Variants in CAMTA1 observed in about 807,000 individuals in gnomAD.
CAMTA1 encodes the protein calmodulin-binding transcription activator 1.
Under a neutral mutation model 170.9 loss-of-function variants are expected in CAMTA1, and 27 were observed. The observed-to-expected ratio is 0.16, with a 90% CI of 0.12 to 0.22. The LOEUF (loss-of-function observed/expected upper bound fraction) is 0.22. Among genes scored for constraint, CAMTA1 ranks in the 10% least tolerant of loss-of-function variants. The pLI, the probability that CAMTA1 is intolerant of heterozygous loss-of-function variation, is 1.00. For synonymous variants in CAMTA1, 833 were observed against 891.5 expected, an observed-to-expected ratio of 0.93 and a Z score of 1.17; for missense variants, 1,619 against 2,217.2, an observed-to-expected ratio of 0.73 and a Z score of 5.42.
intron 11 of CAMTA1, among the ~76,000 whole-genome samples, chr1:7,686,043 T>A (rs1364354703): frequency 1.3e-5 from 2 of 152,152 alleles, no homozygotes; most frequent in Admixed American, 1.3e-4. Flanking sequence ...CAGCCCAAAC[T>A]AATCAATTGT....
intron 11 of CAMTA1, among the ~76,000 whole-genome samples, chr1:7,713,083 A>C (rs144995965): frequency 2.6e-5 from 4 of 152,288 alleles, no homozygotes; most frequent in Non-Finnish European, 5.9e-5. Context: ...TGGATTAAAG[A>C]AGTGATTCTG....
At chr1:7,292,750 T>G (rs892420167) in intron 5 of CAMTA1, among the ~76,000 whole-genome samples, 1 of 152,236 alleles carries the variant, frequency 6.6e-6, no homozygotes, top group Non-Finnish European at 1.5e-5. Context: ...TGCACTCCTC[T>G]GCACCCACGG....
intron 6 of CAMTA1, among the ~76,000 whole-genome samples, chr1:7,492,945 ATAAACACAGACTTACATACACATGCGCT>A (rs2093744653): frequency 9.6e-6 from 1 of 104,076 alleles, no homozygotes; most frequent in African/African-American, 3.6e-5. Flanking sequence ...GCACGCACAC[ATAAACACAGACTTACATACACATGCGCT>A]CAAACACAAA....
intron 3 of CAMTA1, among the ~76,000 whole-genome samples, chr1:7,084,758 T>A (rs894968366): frequency 6.6e-6 from 1 of 152,150 alleles, no homozygotes; most frequent in Non-Finnish European, 1.5e-5. Context: ...ACGGCGGCCA[T>A]GTGTGGCATC....
At chr1:6,880,383 G>GTTTTTTTTTTTTTTTTTTTTTTTTTTTTT in intron 3 of CAMTA1, among the ~76,000 whole-genome samples, 1 of 67,194 alleles carries the variant, frequency 1.5e-5, no homozygotes, top group Non-Finnish European at 2.7e-5. Flanking sequence ...CTCTAAAAGT[G>GTTTTTTTTTTTTTTTTTTTTTTTTTTTTT]TTTTTTTTTT....
chr1:7,026,819 C>T (rs1354182487), intron 3 of CAMTA1, among the ~76,000 whole-genome samples: 3 of 151,942 alleles, frequency 2.0e-5, no homozygotes, highest in East Asian at 3.9e-4. Flanking sequence ...TTAGTAGAGA[C>T]GGGATTTCAT....
Position 7,249,596 on chromosome 1 carries a change from C to T in CAMTA1, c.408C>T (p.Asp136=), listed in dbSNP as rs1257105601. The change falls in exon 5 of 23, where the codon GAC becomes GAT. Residue 136 remains aspartate, a synonymous_variant. Transcript: ENST00000303635. This position sits in a 1 kb window ranked among gnomAD's most constrained non-coding sequence, Gnocchi z 4.4. ...KRKDGKTTRE[D]HMKLKVQGVE... is the part of the protein sequence containing the mutation. ...AAGATGGGAAAACGACCAGAGAGGA[C>T]CACATGAAACTCAAGGTCCAGGGAG... The T allele has an allele frequency of 6.2e-7, 1 of 1,614,046 alleles. No homozygotes were observed. The highest frequency in any genetic ancestry group is 1.1e-5 in the South Asian group (1 of 91,060).
chr1:6,880,383 G>GTTTTTT (rs34745856), intron 3 of CAMTA1, among the ~76,000 whole-genome samples: 47 of 67,206 alleles, frequency 7.0e-4, no homozygotes, highest in East Asian at 9.2e-4. Flanking sequence ...CTCTAAAAGT[G>GTTTTTT]TTTTTTTTTT....
intron 4 of CAMTA1, among the ~76,000 whole-genome samples, chr1:7,223,697 TC>T (rs1661212946): frequency 6.6e-6 from 1 of 152,158 alleles, no homozygotes; most frequent in Admixed American, 6.5e-5. Context: ...TCCGATGAAT[TC>T]ATGGATGCAT....
At position 7,146,602 on chromosome 1, in the gene CAMTA1, C is replaced by A. The variant is rs1217557656; in HGVS notation, c.302+55231C>A. ...CCGGCTCCTCCTCCTTGAACACCAA[C>A]CATCAGGTTGCCAGGACCTGTCCCC... On this transcript the variant is annotated intron_variant, in intron 4 of 22. Coordinates refer to ENST00000303635, the MANE Select transcript of CAMTA1 (RefSeq NM_015215.4). This position sits in a 1 kb window ranked among gnomAD's most constrained non-coding sequence, Gnocchi z 4.3. Among the ~76,000 whole-genome samples, 2 of 151,870 alleles carry A rather than the reference C, an allele frequency of 1.3e-5. No individual in the cohort carries two copies. Among genetic ancestry groups the A allele is most frequent in the Non-Finnish European group, 2.9e-5 (2 of 67,966 alleles).
intron 5 of CAMTA1, among the ~76,000 whole-genome samples, chr1:7,446,257 C>G (rs1305482074): frequency 6.6e-6 from 1 of 151,478 alleles, no homozygotes; most frequent in Admixed American, 6.6e-5. Context: ...CCCCATTTTC[C>G]TCTCCCTATG....
intron 3 of CAMTA1, among the ~76,000 whole-genome samples, chr1:6,886,771 C>G (rs1388109403): frequency 6.6e-6 from 1 of 152,198 alleles, no homozygotes; most frequent in African/African-American, 2.4e-5. Context: ...ACAGCCACTC[C>G]CTTTTTGACC....
chr1:7,549,102 T>A (rs557952465), intron 6 of CAMTA1, among the ~76,000 whole-genome samples: 2 of 134,376 alleles, frequency 1.5e-5, no homozygotes, highest in East Asian at 2.4e-4. Context: ...GGAGGTGCCC[T>A]TGCAGGGTCC....
At chr1:6,952,570 C>T (rs753966667) in intron 3 of CAMTA1, among the ~76,000 whole-genome samples, 4 of 151,858 alleles carry the variant, frequency 2.6e-5, no homozygotes, top group South Asian at 2.1e-4. Flanking sequence ...GTGTGTCTCA[C>T]GCCTGTAATC....
chr1:7,390,540 C>T (rs2088582566), intron 5 of CAMTA1, among the ~76,000 whole-genome samples: 1 of 152,222 alleles, frequency 6.6e-6, no homozygotes, highest in Non-Finnish European at 1.5e-5. Flanking sequence ...GTTCTGCTCT[C>T]TGGGCCTCAG....
At chr1:6,928,139 G>A (rs908668276) in intron 3 of CAMTA1, among the ~76,000 whole-genome samples, 4 of 152,340 alleles carry the variant, frequency 2.6e-5, no homozygotes, top group African/African-American at 9.6e-5. Context: ...GGAGAACTCG[G>A]TGATCTGAAT....
chr1:7,270,315 A>T lies in CAMTA1; in HGVS notation c.438+20689A>T, dbSNP rs1669605345. Among the ~76,000 whole-genome samples, 5 of 128,898 alleles carry T rather than the reference A, an allele frequency of 3.9e-5. No individual in the cohort carries two copies. The South Asian group carries it at 1.2e-3, about 31-fold the overall frequency. The allele number at this position is 128,898 out of a possible 152,430, so 84.6% of individuals were successfully genotyped here. On this transcript the variant is annotated intron_variant, in intron 5 of 22. Coordinates refer to ENST00000303635, the MANE Select transcript of CAMTA1 (RefSeq NM_015215.4). The stretch of plus-strand genomic sequence containing the variant: ...TATTTTTTTTTTTTTTTCTTGTGAG[A>T]TGGAGTTTCACTCTTGTTACCCAGG...
chr1:7,657,403 A>C (rs2095913932), intron 7 of CAMTA1, among the ~76,000 whole-genome samples: 1 of 152,092 alleles, frequency 6.6e-6, no homozygotes, highest in South Asian at 2.1e-4. Context: ...AGTGAGCAGG[A>C]GGGGACAGAT....
At chr1:6,894,125 A>G (rs1277156042) in intron 3 of CAMTA1, among the ~76,000 whole-genome samples, 2 of 152,218 alleles carry the variant, frequency 1.3e-5, no homozygotes, top group Non-Finnish European at 2.9e-5. Flanking sequence ...TGTTTATTTG[A>G]AGGTTGGTGT....
Sources: gnomAD v4.1 joint callset for allele counts (sites outside exome capture counted in the v4.1 genomes callset) on GRCh38, gnomAD v4.1.1 for gene constraint, Gnocchi (gnomAD v3.1) non-coding constraint, MANE v1.5 for transcripts, NCBI Gene and HGNC (gene_info 2026-07-23, HGNC 2026-07-21) for gene names.